Variants in NSUN3 observed in about 807,000 individuals in gnomAD.
The protein encoded by NSUN3 is NOP2/Sun RNA methyltransferase 3, also known as tRNA (cytosine(34)-C(5))-methyltransferase, mitochondrial.
In NSUN3, 24 loss-of-function variants were observed where a neutral mutation model predicts 36.8. The observed-to-expected ratio is 0.65, with a 90% CI of 0.47 to 0.92. The LOEUF (loss-of-function observed/expected upper bound fraction) is 0.92. Among genes scored for constraint, NSUN3 ranks in the 40% least tolerant of loss-of-function variants. The pLI is 0.00. For missense variants in NSUN3, 381 were observed against 392.8 expected, an observed-to-expected ratio of 0.97 and a Z score of 0.25; for synonymous variants, 146 against 145.2, an observed-to-expected ratio of 1.01 and a Z score of -0.04.
intron 5 of NSUN3, 147 bp from the exon 6 acceptor site, chr3:94,126,064 A>G (rs1659696425): frequency 3.0e-6 from 2 of 670,280 alleles, no homozygotes; most frequent in South Asian, 2.5e-5. Flanking sequence ...TGTCTCAAAA[A>G]AAAAAAAAAG....
rs564520693 is a variant in NSUN3, at chr3:94,083,536, A to G, written c.123-571A>G. ...GCTGAAGTGAAGTTACAAAGGTTAC[A>G]CTCTTGTGCAAATATCTGATTGGTT... On this transcript the variant is annotated intron_variant, in intron 2 of 5. Transcript: ENST00000314622. 3.3e-5 allele frequency among the ~76,000 whole-genome samples: 5 copies of G among 152,198 alleles called. No homozygotes were observed. The East Asian group carries it at 9.7e-4, about 29-fold the overall frequency.
Position 94,126,499 on chromosome 3 carries a change from T to C in NSUN3, c.*9T>C, listed in dbSNP as rs759704515. On this transcript the variant is annotated 3_prime_UTR_variant, in exon 6 of 6. Transcript: ENST00000314622. ...GCACAGGAAAATGGTGACATGAATT[T>C]GTAAACTGTGTTTATGTGTTATTAT... 3.1e-6 allele frequency: 5 copies of C among 1,602,004 alleles called. No individual in the cohort carries two copies. In the South Asian group the frequency reaches 5.5e-5, roughly 18 times the overall value.
At chr3:94,101,875 A>G (rs909965022) in intron 5 of NSUN3, among the ~76,000 whole-genome samples, 7 of 152,170 alleles carry the variant, frequency 4.6e-5, no homozygotes, top group African/African-American at 1.7e-4. Flanking sequence ...GAAAGTGACT[A>G]TGATATTTGT....
chr3:94,126,139 T>G, intron 5 of NSUN3, 72 bp from the exon 6 acceptor site: 1 of 1,315,888 alleles, frequency 7.6e-7, no homozygotes, highest in South Asian at 1.5e-5. Context: ...GTACGTAATC[T>G]TTGCTGTCAG....
chr3:94,077,516 C>T (rs1292957263), intron 2 of NSUN3, among the ~76,000 whole-genome samples: 1 of 152,154 alleles, frequency 6.6e-6, no homozygotes, highest in African/African-American at 2.4e-5. Flanking sequence ...AGGAATGGCA[C>T]TAGCTCCTCT....
intron 3 of NSUN3, 124 bp from the exon 4 acceptor site, chr3:94,094,016 C>G: frequency 1.5e-6 from 1 of 677,792 alleles, no homozygotes; most frequent in Non-Finnish European, 2.5e-6. Context: ...ATAATGTTTA[C>G]CTCTGAGCCC....
At chr3:94,103,113 C>T (rs969515185) in intron 5 of NSUN3, among the ~76,000 whole-genome samples, 22 of 152,132 alleles carry the variant, frequency 1.4e-4, no homozygotes, top group African/African-American at 5.3e-4. Context: ...TTTCAAACTC[C>T]CAACCTCAGG....
intron 2 of NSUN3, among the ~76,000 whole-genome samples, chr3:94,066,653 A>T (rs2077205008): frequency 6.6e-6 from 1 of 152,156 alleles, no homozygotes; most frequent in African/African-American, 2.4e-5. Context: ...TGTTCTCCTC[A>T]GGTAAGCCCA....
At chr3:94,083,975 C>T in intron 2 of NSUN3, 132 bp from the exon 3 acceptor site, 1 of 661,844 alleles carries the variant, frequency 1.5e-6, no homozygotes. Flanking sequence ...GTCAGGAATA[C>T]TGATCCTGTC....
At chr3:94,118,554 G>A (rs1166759416) in intron 5 of NSUN3, among the ~76,000 whole-genome samples, 1 of 152,086 alleles carries the variant, frequency 6.6e-6, no homozygotes, top group African/African-American at 2.4e-5. Context: ...ACATTACTCA[G>A]GATCTTGTTA....
At chr3:94,076,104 C>T in intron 2 of NSUN3, 1 of 1,446,298 alleles carries the variant, frequency 6.9e-7, no homozygotes, top group South Asian at 1.1e-5. Flanking sequence ...GGTGACCCGT[C>T]TTCTGCATCT....
intron 5 of NSUN3, among the ~76,000 whole-genome samples, chr3:94,117,316 A>T (rs1576101521): frequency 6.6e-6 from 1 of 152,054 alleles, no homozygotes; most frequent in East Asian, 1.9e-4. Context: ...CTTAATTTTT[A>T]AAAACCTGTA....
chr3:94,100,652 G>A (rs2077361795), intron 5 of NSUN3, among the ~76,000 whole-genome samples: 2 of 152,126 alleles, frequency 1.3e-5, no homozygotes, highest in Non-Finnish European at 2.9e-5. Context: ...ATAAGTTGGT[G>A]GGGTGATAGA....
In NSUN3 at chr3:94,128,601, A is replaced by G. The variant is rs950303425; in HGVS notation, c.*2111A>G. On this transcript the variant is annotated 3_prime_UTR_variant, in exon 6 of 6. Coordinates refer to ENST00000314622, the MANE Select transcript of NSUN3 (RefSeq NM_022072.5). ...TGTGTGTGTATATATATATATATAT[A>G]TAATTTTATTAAAAGCAATTGCCCC... The G allele has an allele frequency of 6.7e-6, 1 of 149,764 alleles. No homozygotes were observed. The highest frequency in any genetic ancestry group is 2.4e-5 in the African/African-American group (1 of 40,992). The allele number at this position is 149,764 out of a possible 1,614,324, so 9.3% of individuals were successfully genotyped here.
At chr3:94,101,302 A>T (rs901455121) in intron 5 of NSUN3, among the ~76,000 whole-genome samples, 141 of 150,874 alleles carry the variant, frequency 9.3e-4, no homozygotes, top group Non-Finnish European at 8.9e-4. Flanking sequence ...CTGATGTTAA[A>T]TTTTTTTTTT....
chr3:94,080,346 C>G (rs2077262335), intron 2 of NSUN3, among the ~76,000 whole-genome samples: 1 of 152,186 alleles, frequency 6.6e-6, no homozygotes, highest in East Asian at 1.9e-4. Context: ...TGTCTGTCAG[C>G]CCCTACTGGG....
chr3:94,123,529 T>G (rs958232042), intron 5 of NSUN3, among the ~76,000 whole-genome samples: 3 of 152,190 alleles, frequency 2.0e-5, no homozygotes, highest in African/African-American at 4.8e-5. Flanking sequence ...ACCTCTTTGT[T>G]CTTGAAGTTC....
At chr3:94,106,833 C>T (rs948245017) in intron 5 of NSUN3, among the ~76,000 whole-genome samples, 1 of 150,422 alleles carries the variant, frequency 6.6e-6, no homozygotes, top group Non-Finnish European at 1.5e-5. Flanking sequence ...TACTAGAAGT[C>T]AACAATGTAG....
chr3:94,125,954 G>A (rs1458237679), intron 5 of NSUN3, among the ~76,000 whole-genome samples: 4 of 152,048 alleles, frequency 2.6e-5, no homozygotes, highest in Admixed American at 1.3e-4. Flanking sequence ...CAGCTACTTG[G>A]GAGGCTGAGG....
Sources: allele counts gnomAD v4.1 joint callset (sites outside exome capture counted in the v4.1 genomes callset), GRCh38; gene constraint gnomAD v4.1.1; transcripts MANE v1.5; gene names NCBI Gene and HGNC (gene_info 2026-07-23, HGNC 2026-07-21).